Variants in PIAS1 observed in about 807,000 individuals in gnomAD.
PIAS1 encodes the protein E3 SUMO-protein ligase PIAS1.
PIAS1 carries 6 observed loss-of-function variants against 71.3 expected under a neutral mutation model. That is an observed-to-expected ratio of 0.08 (90% CI 0.05 to 0.17). The LOEUF (loss-of-function observed/expected upper bound fraction) is 0.17, where lower values mean the gene tolerates loss of function less well. PIAS1 is among the 10% of genes least tolerant of loss of function. The probability of loss-of-function intolerance (pLI) is 1.00; values close to 1 mark genes in which losing one functional copy is unlikely to be tolerated. For missense variants in PIAS1, 555 were observed against 793.6 expected, an observed-to-expected ratio of 0.70 and a Z score of 3.61; for synonymous variants, 303 against 292.9, an observed-to-expected ratio of 1.03 and a Z score of -0.35.
chr15:68,086,085 C>CA lies in PIAS1; in HGVS notation c.25-219dup, dbSNP rs1186799327. Among the ~76,000 whole-genome samples the CA allele has an allele frequency of 1.1e-4, 17 of 151,962 alleles. No individual in the cohort carries two copies. Among genetic ancestry groups the CA allele is most frequent in the African/African-American group, 1.5e-4 (6 of 41,376 alleles). On this transcript the variant is annotated intron_variant, in intron 1 of 13. Transcript: ENST00000249636. The surrounding 1 kb of genome is among the most constrained non-coding windows in gnomAD (Gnocchi z 7.2). Reference sequence around the variant, plus strand: ...TACTTTATCCTATATTTCTTATAACCAAGGGTAGAAGTCAATGAATTTATG... The same window carrying CA: ...TACTTTATCCTATATTTCTTATAACCAAAGGGTAGAAGTCAATGAATTTATG...
At chr15:68,094,977 T>C (rs2140991341) in intron 2 of PIAS1, among the ~76,000 whole-genome samples, 2 of 152,340 alleles carry the variant, frequency 1.3e-5, no homozygotes, top group Admixed American at 1.3e-4. Context: ...CCCCAAGGCA[T>C]CCAGTATTTT....
chr15:68,070,089 A>G (rs1396720538), intron 1 of PIAS1, among the ~76,000 whole-genome samples: 1 of 152,184 alleles, frequency 6.6e-6, no homozygotes, highest in Non-Finnish European at 1.5e-5. Flanking sequence ...GAGTTATTGT[A>G]GGAAGTTTGA....
chr15:68,130,227 A>G (rs982926937), intron 2 of PIAS1, among the ~76,000 whole-genome samples: 4 of 152,166 alleles, frequency 2.6e-5, no homozygotes, highest in Non-Finnish European at 5.9e-5. Context: ...AAACCTTAAA[A>G]GAAAAAGGCT....
rs779159567 is a variant in PIAS1 at position 68,153,755 on chromosome 15, TTTCTC to T, written c.934+61_934+65del. ...ATTTTGTTAAAGGTTAGAGTAGTATTTTCTCAACTCAAGAAATTTTAGAATTTGTT... is the reference window on the plus strand; with the variant it reads ...ATTTTGTTAAAGGTTAGAGTAGTATTAACTCAAGAAATTTTAGAATTTGTT... On this transcript the variant is annotated intron_variant, in intron 7 of 13. Coordinates refer to ENST00000249636, the MANE Select transcript of PIAS1 (RefSeq NM_016166.3). 6.9e-6 allele frequency: 6 copies of T among 864,994 alleles called. No individual in the cohort carries two copies. In the South Asian group the frequency reaches 7.2e-5, roughly 10 times the overall value. 53.6% of individuals were successfully genotyped at this position (864,994 alleles called of 1,614,324 possible). A position where few individuals can be genotyped will look rare whatever the true frequency, so the allele number is the denominator to read the frequency against.
chr15:68,085,188 T>C (rs902576322), intron 1 of PIAS1, among the ~76,000 whole-genome samples: 7 of 152,102 alleles, frequency 4.6e-5, no homozygotes, highest in Non-Finnish European at 1.0e-4. Context: ...GTTGGAGAAA[T>C]AGAGAGCAAA....
intron 1 of PIAS1, among the ~76,000 whole-genome samples, chr15:68,076,564 G>A (rs906616487): frequency 4.6e-5 from 7 of 152,180 alleles, no homozygotes; most frequent in African/African-American, 7.2e-5. Flanking sequence ...CATCTTAATC[G>A]CAAATAGTTG....
At chr15:68,175,047 T>G (rs1026757986) in intron 9 of PIAS1, among the ~76,000 whole-genome samples, 1 of 152,176 alleles carries the variant, frequency 6.6e-6, no homozygotes, top group Non-Finnish European at 1.5e-5. Context: ...TAAAAAGCTT[T>G]TTTCGGTATA....
intron 2 of PIAS1, among the ~76,000 whole-genome samples, chr15:68,101,528 G>T (rs1487587825): frequency 6.6e-6 from 1 of 152,078 alleles, no homozygotes; most frequent in African/African-American, 2.4e-5. Context: ...CTGTTCACAA[G>T]AGTGATTATA....
At chr15:68,065,573 G>A (rs2092008952) in intron 1 of PIAS1, among the ~76,000 whole-genome samples, 2 of 145,176 alleles carry the variant, frequency 1.4e-5, no homozygotes, top group Admixed American at 1.4e-4. Context: ...GTGACAGAGT[G>A]AGACCCTGTC....
At chr15:68,083,387 A>G (rs1304668312) in intron 1 of PIAS1, among the ~76,000 whole-genome samples, 2 of 152,156 alleles carry the variant, frequency 1.3e-5, no homozygotes, top group African/African-American at 4.8e-5. Context: ...AAGAGTATGC[A>G]ACAGCTGTTC....
chr15:68,187,324 T>C lies in PIAS1; in HGVS notation c.1663-218T>C, dbSNP rs1313723214. ...ACAAAAAACAATAAAATTTATATTT[T>C]GTTTTTCCTCCAGTTTCAGATACAA... On this transcript the variant is annotated intron_variant, in intron 13 of 13. Transcript: ENST00000249636. This position sits in a 1 kb window ranked among gnomAD's most constrained non-coding sequence, Gnocchi z 5.3. Among the ~76,000 whole-genome samples, 1 of 152,228 alleles carries C rather than the reference T, an allele frequency of 6.6e-6. No homozygotes were observed. Among genetic ancestry groups the C allele is most frequent in the Non-Finnish European group, 1.5e-5 (1 of 68,044 alleles).
rs201654406 is a variant in PIAS1 at position 68,086,428 on chromosome 15, T to C, written c.147T>C (p.Cys49=). ...CCCTGCATTTGCTAAAGGCTGGCTG[T>C]AGTCCTGCTGTGCAAATGAAAATTA... ...TKALHLLKAG[C]SPAVQMKIKE... is the part of the protein sequence containing the mutation. The change falls in exon 2 of 14, where the codon TGT becomes TGC. Residue 49 remains cysteine, a synonymous_variant. Transcript: ENST00000249636. The surrounding 1 kb of genome is among the most constrained non-coding windows in gnomAD (Gnocchi z 7.2). 21 of 1,613,986 alleles carry C rather than the reference T, an allele frequency of 1.3e-5. No individual in the cohort carries two copies. The Admixed American group carries it at 2.2e-4, about 17-fold the overall frequency.
Position 68,054,371 on chromosome 15 carries a change from A to G in PIAS1, c.24+21A>G, listed in dbSNP as rs559873623. 1 of 1,566,256 alleles carries G rather than the reference A, an allele frequency of 6.4e-7. No homozygotes were observed. Among genetic ancestry groups the G allele is most frequent in the South Asian group, 1.2e-5 (1 of 85,052 alleles). ...TAAAGGTAAAGCGCAGCTCGAATTC[A>G]CTTCTAATATTCGGCCGCGGAGACG... On this transcript the variant is annotated intron_variant, in intron 1 of 13. Transcript: ENST00000249636. The surrounding 1 kb of genome is among the most constrained non-coding windows in gnomAD (Gnocchi z 4.6).
chr15:68,081,767 A>T (rs1044600669), intron 1 of PIAS1, among the ~76,000 whole-genome samples: 16 of 152,102 alleles, frequency 1.1e-4, no homozygotes, highest in Admixed American at 9.2e-4. Flanking sequence ...GTCTAGGAAG[A>T]CCTGTGTCTG....
intron 4 of PIAS1, 150 bp from the exon 5 acceptor site, chr15:68,145,665 AT>A: frequency 1.7e-6 from 1 of 571,428 alleles, no homozygotes; most frequent in Admixed American, 3.0e-5. Flanking sequence ...CTATTTACAT[AT>A]ACTTATTAAT....
Position 68,175,659 on chromosome 15 carries a change from T to G in PIAS1, c.1192T>G (p.Tyr398Asp). The G allele has an allele frequency of 6.4e-7, 1 of 1,567,304 alleles. No individual in the cohort carries two copies. Among genetic ancestry groups the G allele is most frequent in the Non-Finnish European group, 8.7e-7 (1 of 1,148,814 alleles). The change falls in exon 10 of 14, where the codon TAC (tyrosine) becomes GAC (aspartate). Residue 398 changes from tyrosine (Y) to aspartate (D), a missense_variant. This residue lies in a region of PIAS1 where 244 missense variants were observed against 307.5 expected (regional missense o/e 0.79). Transcript: ENST00000249636. ...TAGCTTGTTTATGGAAATCCTAAAGTACTGTACAGACTGTGATGAAATACA... is the reference window on the plus strand; with the variant it reads ...TAGCTTGTTTATGGAAATCCTAAAGGACTGTACAGACTGTGATGAAATACA... ...IDGLFMEILK[Y>D]CTDCDEIQFK...
chr15:68,148,097 A>G (rs1280632933), intron 6 of PIAS1, among the ~76,000 whole-genome samples: 4 of 152,226 alleles, frequency 2.6e-5, no homozygotes, highest in Non-Finnish European at 5.9e-5. Context: ...GAACTTACTT[A>G]TAAGTACTAT....
intron 1 of PIAS1, among the ~76,000 whole-genome samples, chr15:68,067,405 A>G (rs1014298008): frequency 1.4e-4 from 21 of 147,308 alleles, no homozygotes; most frequent in African/African-American, 4.5e-4. Context: ...TTCATCATCA[A>G]AAAGTTTGTT....
intron 2 of PIAS1, among the ~76,000 whole-genome samples, chr15:68,092,725 G>A (rs1440651745): frequency 6.6e-6 from 1 of 152,022 alleles, no homozygotes; most frequent in African/African-American, 2.4e-5. Context: ...CCTTTCATTT[G>A]CCCCCTTTCA....
Sources: gnomAD v4.1 joint callset for allele counts (sites outside exome capture counted in the v4.1 genomes callset) on GRCh38, gnomAD v4.1.1 for gene constraint, gnomAD v4.1.1 regional missense constraint, Gnocchi (gnomAD v3.1) non-coding constraint, MANE v1.5 for transcripts, NCBI Gene and HGNC (gene_info 2026-07-23, HGNC 2026-07-21) for gene names.